PRKCZ: variants seen among roughly 807,000 people sequenced by gnomAD.
The protein encoded by PRKCZ is protein kinase C zeta.
Under a neutral mutation model 79.5 loss-of-function variants are expected in PRKCZ, and 33 were observed. The observed-to-expected ratio is 0.41, with a 90% CI of 0.31 to 0.55. PRKCZ has a LOEUF of 0.55. Ranked by LOEUF, PRKCZ falls within the 20% of genes least tolerant of loss-of-function variation. PRKCZ has a pLI of 0.19. For synonymous variants in PRKCZ, 342 were observed against 320.9 expected (o/e 1.07, Z -0.70); for missense variants, 578 against 813.5 (o/e 0.71, Z 3.52).
chr1:2,150,112 A>C (rs1299222278), intron 8 of PRKCZ, among the ~76,000 whole-genome samples: 1 of 146,018 alleles, frequency 6.8e-6, no homozygotes, highest in African/African-American at 2.6e-5. Context: ...TAGTGAGTCG[A>C]GATCGTGCCA....
At chr1:2,154,328 G>A (rs1382443481) in intron 9 of PRKCZ, among the ~76,000 whole-genome samples, 2 of 152,148 alleles carry the variant, frequency 1.3e-5, no homozygotes, top group African/African-American at 2.4e-5. Flanking sequence ...GGGAGCTCTC[G>A]GCGTGGAAAG....
intron 17 of PRKCZ, 71 bp downstream of exon 17, chr1:2,184,769 AGCTGGTGACCCAGC>A (rs1030018495): frequency 6.7e-7 from 1 of 1,482,704 alleles, no homozygotes; most frequent in African/African-American, 1.4e-5. Context: ...CACCTTGGGC[AGCTGGTGACCCAGC>A]CTGCCCTTGA....
chr1:2,114,168 C>T (rs962390063), intron 4 of PRKCZ, among the ~76,000 whole-genome samples: 2 of 108,898 alleles, frequency 1.8e-5, no homozygotes, highest in African/African-American at 3.6e-5. Context: ...TCCAGGAGGA[C>T]GCTCCGTCGT....
At chr1:2,135,376 C>CA (rs747167263) in intron 5 of PRKCZ, 29 bp downstream of exon 5, 82 of 1,555,520 alleles carry the variant, frequency 5.3e-5, no homozygotes, top group Non-Finnish European at 6.6e-5. Context: ...ACTAGTCCCT[C>CA]AAGGGGCCTT....
chr1:2,113,756 A>T (rs1418384533), intron 4 of PRKCZ, among the ~76,000 whole-genome samples: 3 of 152,126 alleles, frequency 2.0e-5, no homozygotes, highest in Non-Finnish European at 4.4e-5. Context: ...CAGAGGACTC[A>T]TGGGGCAGAG....
At chr1:2,175,749 G>T (rs2100420718) in intron 16 of PRKCZ, among the ~76,000 whole-genome samples, 1 of 152,262 alleles carries the variant, frequency 6.6e-6, no homozygotes, top group Middle Eastern at 3.4e-3. Flanking sequence ...GGGCCCCGAG[G>T]AGGGATGGGG....
chr1:2,115,806 C>T (rs958253539), intron 4 of PRKCZ, among the ~76,000 whole-genome samples: 3 of 152,196 alleles, frequency 2.0e-5, no homozygotes, highest in East Asian at 1.9e-4. Flanking sequence ...GCAGAGCTTC[C>T]GTGCCCTCTC....
intron 10 of PRKCZ, among the ~76,000 whole-genome samples, chr1:2,160,093 C>CA (rs1313035826): frequency 6.6e-6 from 1 of 152,176 alleles, no homozygotes; most frequent in African/African-American, 2.4e-5. Flanking sequence ...CATTCACACT[C>CA]AATGTTTCTT....
chr1:2,107,148 G>A (rs930535704), intron 4 of PRKCZ, among the ~76,000 whole-genome samples: 8 of 152,328 alleles, frequency 5.3e-5, no homozygotes, highest in East Asian at 1.9e-4. Flanking sequence ...GTCTGTGACC[G>A]GGGTGCGGAG....
chr1:2,117,142 G>C lies in PRKCZ; in HGVS notation c.335-18120G>C, dbSNP rs543095615. 1.5e-3 allele frequency among the ~76,000 whole-genome samples: 223 copies of C among 152,044 alleles called. 1 individual carries two copies. The highest frequency in any genetic ancestry group is 4.9e-3 in the African/African-American group (204 of 41,458). On this transcript the variant is annotated intron_variant, in intron 4 of 17. Transcript: ENST00000378567. ...TTTGGCATTTTTTTGTAGAGACAGG[G>C]TCTCCCTATGTTGCCCAGGCTGGTC...
intron 4 of PRKCZ, among the ~76,000 whole-genome samples, chr1:2,112,504 T>A (rs1187738000): frequency 6.6e-6 from 1 of 152,132 alleles, no homozygotes; most frequent in Non-Finnish European, 1.5e-5. Flanking sequence ...CATGCTGAGG[T>A]CCCGGCATGG....
intron 4 of PRKCZ, chr1:2,074,108 G>T: frequency 6.6e-7 from 1 of 1,509,018 alleles, no homozygotes; most frequent in Non-Finnish European, 8.9e-7. Context: ...CTGGTGCCAC[G>T]GCCCGGGGAA....
intron 5 of PRKCZ, chr1:2,141,092 T>G (rs1677218656): frequency 6.6e-6 from 1 of 152,246 alleles, no homozygotes; most frequent in Admixed American, 6.5e-5. Flanking sequence ...GGTTTAGGTT[T>G]TATTTTTTTA....
rs529478015 is a variant in PRKCZ at position 2,163,478 on chromosome 1, A to T, written c.975-6040A>T. Among the ~76,000 whole-genome samples, 45 of 152,330 alleles carry T rather than the reference A, an allele frequency of 3.0e-4. No individual in the cohort carries two copies. The South Asian group carries it at 7.0e-3, about 24-fold the overall frequency. On this transcript the variant is annotated intron_variant, in intron 10 of 17. Transcript: ENST00000378567. ...CCTCTCAGCCCCCAGCCACTGGGAG[A>T]AGGTTCTAGAAAGGCTGAGCAGCAG...
At chr1:2,070,754 G>T (rs1214398800) in intron 4 of PRKCZ, among the ~76,000 whole-genome samples, 3 of 141,066 alleles carry the variant, frequency 2.1e-5, no homozygotes, top group Admixed American at 7.4e-5. Flanking sequence ...GCGGGGGACA[G>T]TCCTCAGCTG....
At chr1:2,147,097 T>G (rs1315181635) in intron 7 of PRKCZ, among the ~76,000 whole-genome samples, 1 of 151,754 alleles carries the variant, frequency 6.6e-6, no homozygotes, top group African/African-American at 2.4e-5. Flanking sequence ...CATCTATCCA[T>G]GTATCTATTG....
chr1:2,133,583 T>C (rs1675485579), intron 4 of PRKCZ: 1 of 117,612 alleles, frequency 8.5e-6, no homozygotes. Context: ...GTGCGTCCAT[T>C]TTTGACTCCG....
At chr1:2,144,056 C>G (rs1677965528) in intron 5 of PRKCZ, 154 bp from the exon 6 acceptor site, 1 of 1,134,192 alleles carries the variant, frequency 8.8e-7, no homozygotes, top group East Asian at 2.7e-5. Context: ...CAAGCTTGGG[C>G]AAGCCTGGCG....
At chr1:2,073,965 G>GC (rs1194258955) in intron 4 of PRKCZ, 1 of 1,380,244 alleles carries the variant, frequency 7.2e-7, no homozygotes, top group Admixed American at 3.1e-5. Flanking sequence ...GATTTTCCGC[G>GC]CCCCCGGGGC....
Sources: allele counts gnomAD v4.1 joint callset (sites outside exome capture counted in the v4.1 genomes callset), GRCh38; gene constraint gnomAD v4.1.1; transcripts MANE v1.5; gene names NCBI Gene and HGNC (gene_info 2026-07-23, HGNC 2026-07-21).